GFM2: variants seen among roughly 807,000 people sequenced by gnomAD.
GFM2 encodes the protein GTP dependent ribosome recycling factor mitochondrial 2.
Under a neutral mutation model 95.4 loss-of-function variants are expected in GFM2, and 72 were observed. The observed-to-expected ratio is 0.76, with a 90% CI of 0.62 to 0.92. The LOEUF is 0.92. Ranked by LOEUF, GFM2 falls within the 40% of genes least tolerant of loss-of-function variation. The pLI, the probability that GFM2 is intolerant of heterozygous loss-of-function variation, is 0.00. For missense variants in GFM2, 825 were observed against 924.1 expected (o/e 0.89, Z 1.39); for synonymous variants, 276 against 317.5 (o/e 0.87, Z 1.39).
rs748309595 is a variant in GFM2 at position 74,722,542 on chromosome 5, T to C, written c.2048A>G (p.Lys683Arg). 6.2e-7 allele frequency: 1 copy of C among 1,612,510 alleles called. No homozygotes were observed. Among genetic ancestry groups the C allele is most frequent in the Non-Finnish European group, 8.5e-7 (1 of 1,179,558 alleles). ...CVQKALKKAD[K>R]QVLEPLMNLE... ...ATTCATCAGAGGCTCCAAAACTTGC[T>C]TATCAGCTTTCTTCAGAGCCTAAAG... The change falls in exon 20 of 21, where the codon AAG (lysine) becomes AGG (arginine). Residue 683 changes from lysine (K) to arginine (R), a missense_variant. Transcript: ENST00000296805.
rs757160377 is a variant in GFM2 at position 74,764,778 on chromosome 5, G to GTTTTTTTTT, written c.-24-1021_-24-1013dup. The stretch of plus-strand genomic sequence containing the variant: ...TATATTTGAATCTGTTCCCTTTGTT[G>GTTTTTTTTT]TTTTTTTTTTTTTTTTTTTTTTTTT... On this transcript the variant is annotated intron_variant, in intron 1 of 20. Transcript: ENST00000296805. Among the ~76,000 whole-genome samples, 5 of 70,488 alleles carry GTTTTTTTTT rather than the reference G, an allele frequency of 7.1e-5. 1 individual carries two copies. Among genetic ancestry groups the GTTTTTTTTT allele is most frequent in the Admixed American group, 1.9e-4 (1 of 5,274 alleles). The allele number at this position is 70,488 out of a possible 152,430, so 46.2% of individuals were successfully genotyped here.
At chr5:74,766,674 T>C (rs1490051748) in intron 1 of GFM2, among the ~76,000 whole-genome samples, 1 of 152,250 alleles carries the variant, frequency 6.6e-6, no homozygotes, top group Non-Finnish European at 1.5e-5. Flanking sequence ...AGTAGTTCCA[T>C]TTTTCTGTAC....
chr5:74,741,571 TA>T lies in GFM2; in HGVS notation c.887del (p.Leu296Ter). ...AATCAAAATTCTCACTAAATTCTTC[TA>T]AAACCAAGTCAGCAAATTCATCATC... The part of the protein sequence containing the change: ...DLDDEFADLV[L>X]EEFSENFDLL... On this transcript the variant is annotated frameshift_variant, in exon 11 of 21. Coordinates refer to ENST00000296805, the MANE Select transcript of GFM2 (RefSeq NM_032380.5). LOFTEE classifies it high-confidence loss of function. The T allele has an allele frequency of 6.3e-7, 1 of 1,589,840 alleles. No homozygotes were observed. The highest frequency in any genetic ancestry group is 1.1e-5 in the South Asian group (1 of 88,648).
At chr5:74,758,266 T>C (rs1744100020) in intron 5 of GFM2, among the ~76,000 whole-genome samples, 1 of 152,228 alleles carries the variant, frequency 6.6e-6, no homozygotes, top group African/African-American at 2.4e-5. Flanking sequence ...AAACAACTTC[T>C]GATTGGTAAA....
intron 2 of GFM2, among the ~76,000 whole-genome samples, chr5:74,761,445 G>C (rs2112367644): frequency 6.6e-6 from 1 of 152,286 alleles, no homozygotes; most frequent in Non-Finnish European, 1.5e-5. Context: ...TCTCACCCAG[G>C]ATACACCTTG....
intron 8 of GFM2, among the ~76,000 whole-genome samples, chr5:74,747,216 T>TA (rs1454978373): frequency 6.6e-6 from 1 of 152,220 alleles, no homozygotes; most frequent in Non-Finnish European, 1.5e-5. Context: ...ATGCAGGTCT[T>TA]ACAGCATCTA....
In GFM2 at chr5:74,736,803, CT is replaced by C. The variant is rs776692804; in HGVS notation, c.1502del (p.Lys501SerfsTer9). The C allele has an allele frequency of 3.1e-6, 5 of 1,613,870 alleles. No individual in the cohort carries two copies. The Admixed American group carries it at 6.7e-5, about 22-fold the overall frequency. On this transcript the variant is annotated frameshift_variant, in exon 15 of 21. Coordinates refer to ENST00000296805, the MANE Select transcript of GFM2 (RefSeq NM_032380.5). LOFTEE classifies it high-confidence loss of function. ...CACTAAGACCATTTATACCTGGCTG[CT>C]TAGACAGTGATGGGGGTTCTATGGT... The part of the protein sequence containing the change: ...FCTIEPPSLS[K>X]QPDLEHALKC...
At chr5:74,744,362 TAA>T (rs371028042) in intron 10 of GFM2, among the ~76,000 whole-genome samples, 4 of 145,180 alleles carry the variant, frequency 2.8e-5, no homozygotes, top group Non-Finnish European at 6.1e-5. Flanking sequence ...TGACTATACT[TAA>T]AAAAAAAAAC....
intron 17 of GFM2, among the ~76,000 whole-genome samples, chr5:74,729,371 G>A (rs1392712986): frequency 1.3e-5 from 2 of 152,166 alleles, no homozygotes; most frequent in Non-Finnish European, 2.9e-5. Context: ...CTAGGTTAGA[G>A]ACAATTACAG....
chr5:74,756,875 T>C (rs1195521055), intron 5 of GFM2, among the ~76,000 whole-genome samples: 1 of 152,098 alleles, frequency 6.6e-6, no homozygotes, highest in East Asian at 1.9e-4. Context: ...GCTATGAGGA[T>C]GCAAAGGCAT....
intron 15 of GFM2, among the ~76,000 whole-genome samples, chr5:74,733,669 T>A (rs1460048768): frequency 6.6e-6 from 1 of 152,150 alleles, no homozygotes; most frequent in Non-Finnish European, 1.5e-5. Flanking sequence ...TAGGCCATGA[T>A]GAAAAGTTTG....
At chr5:74,747,949 T>C (rs1743473134) in intron 7 of GFM2, among the ~76,000 whole-genome samples, 169 bp from the exon 8 acceptor site, 1 of 152,206 alleles carries the variant, frequency 6.6e-6, no homozygotes, top group Admixed American at 6.5e-5. Flanking sequence ...GCTATCAAGT[T>C]AACACAGCCG....
chr5:74,751,050 C>T (rs1302092875), intron 6 of GFM2, among the ~76,000 whole-genome samples: 1 of 152,122 alleles, frequency 6.6e-6, no homozygotes, highest in Non-Finnish European at 1.5e-5. Context: ...ATTCCACTTA[C>T]ATAAGGCATC....
intron 4 of GFM2, 98 bp from the exon 5 acceptor site, chr5:74,759,044 A>G: frequency 1.4e-6 from 1 of 721,410 alleles, no homozygotes; most frequent in Non-Finnish European, 2.4e-6. Context: ...TATAATTTAT[A>G]AAACTGTGTA....
chr5:74,747,651 T>C (rs763412114), intron 8 of GFM2, 41 bp downstream of exon 8: 15 of 1,155,024 alleles, frequency 1.3e-5, no homozygotes, highest in Non-Finnish European at 1.9e-5. Context: ...GCTCAAATTG[T>C]AGTTTCACCC....
At chr5:74,733,282 G>T in intron 15 of GFM2, 184 bp from the exon 16 acceptor site, 1 of 492,024 alleles carries the variant, frequency 2.0e-6, no homozygotes, top group African/African-American at 2.0e-5. Context: ...CTTGAGCCCA[G>T]GAGTTTGCGA....
At chr5:74,748,057 G>T (rs1743479504) in intron 7 of GFM2, among the ~76,000 whole-genome samples, 1 of 152,190 alleles carries the variant, frequency 6.6e-6, no homozygotes, top group Admixed American at 6.5e-5. Context: ...CACCTCAGGA[G>T]GTACTGAGAA....
chr5:74,732,998 G>A (rs1742652522), intron 16 of GFM2, 24 bp downstream of exon 16: 1 of 1,383,656 alleles, frequency 7.2e-7, no homozygotes, highest in African/African-American at 1.4e-5. Flanking sequence ...AAAGGCTTCT[G>A]GAGTTTAGCA....
rs1743707681 is a variant in GFM2 at position 74,751,458 on chromosome 5, C to T, written c.340G>A (p.Ala114Thr). The T allele has an allele frequency of 1.2e-6, 2 of 1,609,570 alleles. No individual in the cohort carries two copies. The highest frequency in any genetic ancestry group is 1.1e-5 in the South Asian group (1 of 90,968). Residue 114 changes from alanine (A) to threonine (T), a missense_variant, in exon 6 of 21, where the codon GCC (alanine) becomes ACC (threonine). Ala to Thr is a moderately conservative substitution (Grantham distance 58). Coordinates refer to ENST00000296805, the MANE Select transcript of GFM2 (RefSeq NM_032380.5). ...DDGDTVTDFM[A>T]QERERGITIQ... ...GTAATGCCTCTTTCTCGCTCTTGGG[C>T]CATGAAATCTGTCACTGTGTCTCCA... is the stretch of plus-strand genomic sequence containing the variant.
Sources: gnomAD v4.1 joint callset for allele counts (sites outside exome capture counted in the v4.1 genomes callset) on GRCh38, gnomAD v4.1.1 for gene constraint, MANE v1.5 for transcripts, NCBI Gene and HGNC (gene_info 2026-07-23, HGNC 2026-07-21) for gene names.